Variants in ACBD6 observed in about 807,000 individuals in gnomAD.
ACBD6 encodes acyl-CoA-binding domain-containing protein 6.
In ACBD6, 28 loss-of-function variants were observed where a neutral mutation model predicts 37.2. The observed-to-expected ratio is 0.75, with a 90% CI of 0.56 to 1.03. The LOEUF (loss-of-function observed/expected upper bound fraction) is 1.03, where lower values mean the gene tolerates loss of function less well. ACBD6 is among the 50% of genes least tolerant of loss of function. The probability of loss-of-function intolerance (pLI) is 0.00; values close to 1 mark genes in which losing one functional copy is unlikely to be tolerated. For synonymous variants in ACBD6, 113 were observed against 126.8 expected (o/e 0.89, Z 0.73); for missense variants, 340 against 337.4 (o/e 1.01, Z -0.06).
At chr1:180,483,200 T>C (rs1651123994) in intron 3 of ACBD6, among the ~76,000 whole-genome samples, 1 of 152,136 alleles carries the variant, frequency 6.6e-6, no homozygotes, top group Non-Finnish European at 1.5e-5. Flanking sequence ...GCACTAGCTG[T>C]TTCCTCTATA....
intron 6 of ACBD6, among the ~76,000 whole-genome samples, chr1:180,364,427 G>A (rs72714820): frequency 0.051 from 7,817 of 152,294 alleles, 251 homozygotes; most frequent in South Asian, 0.089. Flanking sequence ...AGAAGACTTA[G>A]GAAGAAAATG....
chr1:180,419,597 G>A (rs967735910), intron 4 of ACBD6, among the ~76,000 whole-genome samples: 1 of 152,176 alleles, frequency 6.6e-6, no homozygotes, highest in Non-Finnish European at 1.5e-5. Flanking sequence ...CATGTAACTC[G>A]ACTCCCCAAA....
chr1:180,419,406 G>GTT (rs1648255310), intron 4 of ACBD6, among the ~76,000 whole-genome samples: 1 of 152,106 alleles, frequency 6.6e-6, no homozygotes, highest in African/African-American at 2.4e-5. Flanking sequence ...TTAAATGATG[G>GTT]CATGTTTTTC....
chr1:180,401,789 A>G (rs1321903826), intron 5 of ACBD6, among the ~76,000 whole-genome samples: 5 of 88,066 alleles, frequency 5.7e-5, no homozygotes, highest in Admixed American at 5.1e-4. Context: ...TTCTGTCCAG[A>G]AAAAAAAAAA....
At chr1:180,393,022 G>A (rs1162321394) in intron 6 of ACBD6, among the ~76,000 whole-genome samples, 2 of 152,138 alleles carry the variant, frequency 1.3e-5, no homozygotes, top group East Asian at 3.8e-4. Context: ...ATGTGCTTTG[G>A]GGGGTAGTTT....
chr1:180,461,847 C>T (rs1650161119), intron 3 of ACBD6, among the ~76,000 whole-genome samples: 1 of 152,170 alleles, frequency 6.6e-6, no homozygotes, highest in South Asian at 2.1e-4. Flanking sequence ...AGACCAGTGA[C>T]ACTACGAAGC....
At chr1:180,371,766 T>C (rs1653273858) in intron 6 of ACBD6, among the ~76,000 whole-genome samples, 1 of 152,138 alleles carries the variant, frequency 6.6e-6, no homozygotes. Context: ...CATTTAGATA[T>C]GAAGTGGAAT....
At chr1:180,344,145 T>G (rs769851392) in intron 6 of ACBD6, among the ~76,000 whole-genome samples, 1 of 151,746 alleles carries the variant, frequency 6.6e-6, no homozygotes. Context: ...GACTGAACAG[T>G]TAAAAAACAG....
At chr1:180,341,811 T>C (rs1199472692) in intron 6 of ACBD6, among the ~76,000 whole-genome samples, 2 of 152,162 alleles carry the variant, frequency 1.3e-5, no homozygotes, top group African/African-American at 4.8e-5. Flanking sequence ...TCTGTGGTCA[T>C]GGTATTGTTG....
intron 6 of ACBD6, among the ~76,000 whole-genome samples, chr1:180,335,027 A>G (rs919883791): frequency 6.6e-6 from 1 of 152,194 alleles, no homozygotes; most frequent in African/African-American, 2.4e-5. Flanking sequence ...GACCAAATCT[A>G]CTTCTGATTG....
At position 180,502,152 on chromosome 1, in the gene ACBD6, TCTC is replaced by T; in HGVS notation, c.112_114del (p.Glu38del). The T allele has an allele frequency of 1.2e-6, 2 of 1,614,026 alleles. No individual in the cohort carries two copies. The highest frequency in any genetic ancestry group is 1.7e-6 in the Non-Finnish European group (2 of 1,179,976). On this transcript the variant is annotated inframe_deletion, in exon 1 of 8. Transcript: ENST00000367595. Reference sequence around the variant, plus strand: ...TCAAACAGCTCGGCCAGGCAACTGGTCTCCTCGATCTCAGGGCTATGGGGGAAC... The same window carrying T: ...TCAAACAGCTCGGCCAGGCAACTGGTCTCGATCTCAGGGCTATGGGGGAAC...
chr1:180,403,166 G>A (rs1036678397), intron 5 of ACBD6, among the ~76,000 whole-genome samples: 1 of 152,046 alleles, frequency 6.6e-6, no homozygotes, highest in Non-Finnish European at 1.5e-5. Context: ...ATATCAAAAC[G>A]GTGGTTACCT....
chr1:180,372,248 A>G (rs1653288640), intron 6 of ACBD6, among the ~76,000 whole-genome samples: 1 of 152,104 alleles, frequency 6.6e-6, no homozygotes, highest in African/African-American at 2.4e-5. Flanking sequence ...TTATATAAAT[A>G]TTTATATATA....
intron 11 of ACBD6, chr1:180,273,887 A>G (rs1417066540): frequency 4.6e-6 from 2 of 432,092 alleles, no homozygotes; most frequent in Non-Finnish European, 8.6e-6. Context: ...CATCCTCCTC[A>G]GTGTAGCCAG....
At chr1:180,423,570 T>C (rs1416643162) in intron 4 of ACBD6, among the ~76,000 whole-genome samples, 5 of 152,232 alleles carry the variant, frequency 3.3e-5, no homozygotes, top group Non-Finnish European at 5.9e-5. Flanking sequence ...TATATTTTTA[T>C]GTATTTTTCT....
At chr1:180,426,821 A>G (rs1648599844) in intron 4 of ACBD6, among the ~76,000 whole-genome samples, 1 of 152,222 alleles carries the variant, frequency 6.6e-6, no homozygotes, top group South Asian at 2.1e-4. Flanking sequence ...GATAAGTACT[A>G]TAATTATCCC....
chr1:180,417,190 G>C (rs1648133456), intron 4 of ACBD6, among the ~76,000 whole-genome samples: 2 of 152,094 alleles, frequency 1.3e-5, no homozygotes, highest in African/African-American at 4.8e-5. Context: ...TCAATTTCCA[G>C]CTCTTCATCT....
exon 14 of ACBD6, chr1:180,271,605 G>T: frequency 6.3e-7 from 1 of 1,580,812 alleles, no homozygotes; most frequent in South Asian, 1.1e-5. Flanking sequence ...TATCCTGAGT[G>T]ACATCAGCTC....
At chr1:180,422,627 T>C (rs1202728424) in intron 4 of ACBD6, among the ~76,000 whole-genome samples, 1 of 152,220 alleles carries the variant, frequency 6.6e-6, no homozygotes, top group Admixed American at 6.5e-5. Flanking sequence ...CTTTTTCTTA[T>C]AATGTCATGA....
Sources: gnomAD v4.1 joint callset for allele counts (sites outside exome capture counted in the v4.1 genomes callset) on GRCh38, gnomAD v4.1.1 for gene constraint, MANE v1.5 for transcripts, NCBI Gene and HGNC (gene_info 2026-07-23, HGNC 2026-07-21) for gene names.